Variants in IGSF22 observed in about 807,000 individuals in gnomAD.
IGSF22 encodes the protein immunoglobulin superfamily member 22.
IGSF22 carries 119 observed loss-of-function variants against 127.0 expected under a neutral mutation model. That is an observed-to-expected ratio of 0.94 (90% confidence interval 0.81 to 1.09). The LOEUF is 1.09. Ranked by LOEUF, IGSF22 falls within the 50% of genes least tolerant of loss-of-function variation. The probability of loss-of-function intolerance (pLI) is 0.00; values close to 1 mark genes in which losing one functional copy is unlikely to be tolerated. For synonymous variants in IGSF22, 568 were observed against 664.7 expected (o/e 0.85, Z 2.24); for missense variants, 1,518 against 1,716.6 (o/e 0.88, Z 2.04).
chr11:18,716,716 C>T lies in IGSF22; in HGVS notation c.1246+12G>A. 1 of 1,611,314 alleles carries T rather than the reference C, an allele frequency of 6.2e-7. No homozygotes were observed. The highest frequency in any genetic ancestry group is 8.5e-7 in the Non-Finnish European group (1 of 1,177,582). On this transcript the variant is annotated intron_variant, in intron 10 of 22. Coordinates refer to ENST00000513874, the MANE Select transcript of IGSF22 (RefSeq NM_173588.4). This position sits in a 1 kb window ranked among gnomAD's most constrained non-coding sequence, Gnocchi z 4.5. Reference sequence around the variant, plus strand: ...TAAAGCCCACCCCTTAGGCTCTTGCCCAACCACTCACGGTCAACAGTGAGC... The same window carrying T: ...TAAAGCCCACCCCTTAGGCTCTTGCTCAACCACTCACGGTCAACAGTGAGC...
At chr11:18,721,004 G>C (rs1848561399) in intron 4 of IGSF22, among the ~76,000 whole-genome samples, 1 of 152,186 alleles carries the variant, frequency 6.6e-6, no homozygotes, top group Non-Finnish European at 1.5e-5. Context: ...TTTCCTCGAA[G>C]GGCCTGGAGC....
chr11:18,722,166 A>T, intron 2 of IGSF22, 125 bp from the exon 3 acceptor site: 1 of 1,115,302 alleles, frequency 9.0e-7, no homozygotes, highest in Non-Finnish European at 1.3e-6. Flanking sequence ...AAGTGGGAGC[A>T]GGACCAGCTA....
chr11:18,717,164 C>T (rs1326564218), intron 9 of IGSF22, among the ~76,000 whole-genome samples, 164 bp from the exon 10 acceptor site: 1 of 152,188 alleles, frequency 6.6e-6, no homozygotes. Context: ...GAGTCCCCTC[C>T]TATGATATTC....
chr11:18,715,739 G>T (rs745871724), intron 10 of IGSF22, 23 bp from the exon 11 acceptor site: 54 of 1,591,000 alleles, frequency 3.4e-5, no homozygotes, highest in Non-Finnish European at 4.0e-5. Flanking sequence ...AGACACTTGG[G>T]CCTGCTCCCA....
At chr11:18,724,594 C>T (rs1276314033) in intron 1 of IGSF22, among the ~76,000 whole-genome samples, 2 of 152,094 alleles carry the variant, frequency 1.3e-5, no homozygotes, top group Non-Finnish European at 2.9e-5. Flanking sequence ...ACTAAGGAGG[C>T]AGTGCTGGAT....
Position 18,710,424 on chromosome 11 carries a change from C to T in IGSF22, c.2604G>A (p.Glu868=), listed in dbSNP as rs762567758. 37 of 1,614,068 alleles carry T rather than the reference C, an allele frequency of 2.3e-5. No homozygotes were observed. In the Admixed American group the frequency reaches 4.7e-4, roughly 20 times the overall value. The change falls in exon 17 of 23, where the codon GAG becomes GAA. Residue 868 remains glutamate, a synonymous_variant. Coordinates refer to ENST00000513874, the MANE Select transcript of IGSF22 (RefSeq NM_173588.4). ...TAACTCGGAATTCATATTCTGTGTC[C>T]TCCAGGAGACCATCCACAGTGCACT... ...GTKCTVDGLL[E]DTEYEFRVIA... is the part of the protein sequence containing the mutation.
intron 7 of IGSF22, among the ~76,000 whole-genome samples, chr11:18,719,309 G>GT (rs377458792): frequency 0.27 from 24,600 of 89,916 alleles, 2,194 homozygotes; most frequent in South Asian, 0.44. Flanking sequence ...CACACCCAGC[G>GT]GTTTTTTTTT....
At chr11:18,714,473 C>T (rs200138126) in intron 12 of IGSF22, 27 bp downstream of exon 12, 96 of 1,614,084 alleles carry the variant, frequency 5.9e-5, no homozygotes, top group Non-Finnish European at 7.9e-5. Context: ...ACCTCCTTCA[C>T]CCCCTTCCCT....
At chr11:18,715,153 A>T (rs1756694711) in intron 11 of IGSF22, among the ~76,000 whole-genome samples, 2 of 151,840 alleles carry the variant, frequency 1.3e-5, no homozygotes, top group South Asian at 4.2e-4. Context: ...GTTGCTGGGG[A>T]TGGTTAGAGT....
At chr11:18,719,567 C>A in intron 7 of IGSF22, 149 bp downstream of exon 7, 1 of 735,608 alleles carries the variant, frequency 1.4e-6, no homozygotes, top group East Asian at 2.5e-5. Flanking sequence ...ACTTGTGCTC[C>A]CTTGCTGCTT....
At chr11:18,725,015 T>A (rs1041545475) in intron 1 of IGSF22, among the ~76,000 whole-genome samples, 4 of 151,756 alleles carry the variant, frequency 2.6e-5, no homozygotes, top group African/African-American at 9.7e-5. Flanking sequence ...TTTTTTTTTT[T>A]AATTAAAAAA....
rs1410154778 is a variant in IGSF22 at position 18,718,035 on chromosome 11, C to T, written c.869G>A (p.Gly290Asp). Residue 290 changes from glycine to aspartate, a missense_variant, in exon 9 of 23, where the codon GGC becomes GAC. Physicochemically the swap from Gly to Asp is moderately conservative, Grantham distance 94. This residue lies in a region of IGSF22 where 1,456 missense variants were observed against 1,644.9 expected (regional missense o/e 0.89). Transcript: ENST00000513874. ...SLGKYDVKQM[G>D]TKYMLVISNV... The stretch of plus-strand genomic sequence containing the variant: ...GCTAATAACCAGCATGTACTTGGTG[C>T]CCATCTGCTTCACATCGTACTTGCC... 2 of 1,614,074 alleles carry T rather than the reference C, an allele frequency of 1.2e-6. No homozygotes were observed. Among genetic ancestry groups the T allele is most frequent in the Non-Finnish European group, 1.7e-6 (2 of 1,180,028 alleles).
At chr11:18,710,634 C>T (rs939799526) in intron 16 of IGSF22, 21 bp downstream of exon 16, 4 of 1,604,938 alleles carry the variant, frequency 2.5e-6, no homozygotes, top group South Asian at 2.2e-5. Context: ...CACTCCTGGG[C>T]CTCTGTTCCA....
intron 12 of IGSF22, 41 bp from the exon 13 acceptor site, chr11:18,714,459 G>A (rs1219955402): frequency 7.4e-6 from 12 of 1,614,142 alleles, no homozygotes; most frequent in African/African-American, 1.3e-5. Flanking sequence ...CATAGGCCAG[G>A]TCTACCTCCT....
At position 18,718,084 on chromosome 11, in the gene IGSF22, G is replaced by T; in HGVS notation, c.820C>A (p.Pro274Thr). 6.2e-7 allele frequency: 1 copy of T among 1,613,864 alleles called. No individual in the cohort carries two copies. Residue 274 changes from proline (P) to threonine (T), a missense_variant, in exon 9 of 23, where the codon CCA becomes ACA. This residue lies in a region of IGSF22 where 1,456 missense variants were observed against 1,644.9 expected (regional missense o/e 0.89). Coordinates refer to ENST00000513874, the MANE Select transcript of IGSF22 (RefSeq NM_173588.4). ...VKMIWIKGTEPLRIQYSLGKY... is the reference protein window; with the variant it reads ...VKMIWIKGTETLRIQYSLGKY... ...CCCAGGGAGTACTGGATCCTCAGTGGCTCAGTACCCTGCCTCATGGAACAG... is the reference window on the plus strand; with the variant it reads ...CCCAGGGAGTACTGGATCCTCAGTGTCTCAGTACCCTGCCTCATGGAACAG...
rs146090098 is a variant in IGSF22 at position 18,714,076 on chromosome 11, G to A, written c.1871C>T (p.Thr624Met). 1.5e-5 allele frequency: 25 copies of A among 1,614,232 alleles called. No individual in the cohort carries two copies. The highest frequency in any genetic ancestry group is 3.3e-5 in the Admixed American group (2 of 60,036). ...AHAITVKVGH[T>M]AHIKVPFRGK... The stretch of plus-strand genomic sequence containing the variant: ...CCGGAAGGGGACCTTGATGTGGGCC[G>A]TGTGGCCTACCTTCACAGTGATGGC... The change falls in exon 14 of 23, where the codon ACG becomes ATG. Residue 624 changes from threonine to methionine, a missense_variant. Thr to Met is a moderately conservative substitution (Grantham distance 81). Transcript: ENST00000513874.
At chr11:18,725,233 T>G (rs1431308612) in intron 1 of IGSF22, among the ~76,000 whole-genome samples, 1 of 152,148 alleles carries the variant, frequency 6.6e-6, no homozygotes, top group African/African-American at 2.4e-5. Flanking sequence ...ATTCAAGCCA[T>G]TCTCCTGCCT....
intron 7 of IGSF22, among the ~76,000 whole-genome samples, chr11:18,719,231 A>T (rs1348383001): frequency 6.6e-6 from 1 of 151,002 alleles, no homozygotes; most frequent in Non-Finnish European, 1.5e-5. Flanking sequence ...CGCAACCTCC[A>T]CCTCCTGGGT....
intron 18 of IGSF22, among the ~76,000 whole-genome samples, chr11:18,708,515 C>T (rs1243783219): frequency 6.6e-6 from 1 of 152,218 alleles, no homozygotes; most frequent in African/African-American, 2.4e-5. Flanking sequence ...GTCCTTGTGT[C>T]TTGTTTCTAT....
Sources: gnomAD v4.1 joint callset for allele counts (sites outside exome capture counted in the v4.1 genomes callset) on GRCh38, gnomAD v4.1.1 for gene constraint, gnomAD v4.1.1 regional missense constraint, Gnocchi (gnomAD v3.1) non-coding constraint, MANE v1.5 for transcripts, NCBI Gene and HGNC (gene_info 2026-07-23, HGNC 2026-07-21) for gene names.